Variants in PTPRZ1 observed in about 807,000 individuals in gnomAD.
PTPRZ1 encodes the protein receptor-type tyrosine-protein phosphatase zeta.
In PTPRZ1, 82 loss-of-function variants were observed where a neutral mutation model predicts 214.1. The ratio of observed to expected loss-of-function variants is 0.38; its 90% confidence interval spans 0.32 to 0.46. The LOEUF is 0.46. Ranked by LOEUF, PTPRZ1 falls within the 20% of genes least tolerant of loss-of-function variation. PTPRZ1 has a pLI of 1.00. For missense variants in PTPRZ1, 2,603 were observed against 2,748.7 expected, an observed-to-expected ratio of 0.95 and a Z score of 1.19; for synonymous variants, 945 against 987.9, an observed-to-expected ratio of 0.96 and a Z score of 0.81.
At chr7:121,972,286 C>A (rs1049870261) in intron 3 of PTPRZ1, among the ~76,000 whole-genome samples, 35 of 152,070 alleles carry the variant, frequency 2.3e-4, no homozygotes, top group Non-Finnish European at 4.4e-4. Context: ...ACAAACAGAG[C>A]AGGTGGACTG....
intron 1 of PTPRZ1, among the ~76,000 whole-genome samples, chr7:121,891,697 G>A (rs1249617323): frequency 6.6e-6 from 1 of 151,378 alleles, no homozygotes; most frequent in African/African-American, 2.4e-5. Context: ...CATCTTGTTT[G>A]ATTTTTCATA....
At chr7:121,944,728 T>C (rs1796322251) in intron 2 of PTPRZ1, among the ~76,000 whole-genome samples, 2 of 152,022 alleles carry the variant, frequency 1.3e-5, no homozygotes, top group Non-Finnish European at 2.9e-5. Context: ...CTGCAACCTC[T>C]GCCTTTCAGG....
At chr7:122,059,612 C>A in intron 28 of PTPRZ1, 141 bp from the exon 29 acceptor site, 1 of 923,654 alleles carries the variant, frequency 1.1e-6, no homozygotes. Context: ...GTTCTTTGTG[C>A]AAAAAGCGAA....
At chr7:122,058,754 G>A (rs572282510) in intron 27 of PTPRZ1, 46 bp from the exon 28 acceptor site, 1 of 1,520,304 alleles carries the variant, frequency 6.6e-7, no homozygotes, top group Admixed American at 1.8e-5. Flanking sequence ...TTCCACTCCT[G>A]GTAAACTGTC....
At chr7:121,995,884 C>T (rs1798118022) in intron 8 of PTPRZ1, among the ~76,000 whole-genome samples, 1 of 152,128 alleles carries the variant, frequency 6.6e-6, no homozygotes, top group South Asian at 2.1e-4. Context: ...ATTAAGTCAT[C>T]ATGAGCTTGC....
chr7:121,988,197 AT>A (rs1396638505), intron 8 of PTPRZ1, among the ~76,000 whole-genome samples: 1 of 152,136 alleles, frequency 6.6e-6, no homozygotes, highest in African/African-American at 2.4e-5. Context: ...ATACATAAAT[AT>A]TTTTTAAAAG....
Position 122,059,856 on chromosome 7 carries a change from A to G in PTPRZ1, c.6775A>G (p.Asn2259Asp), listed in dbSNP as rs1305891931. ...VDVYQVAKMI[N>D]LMRPGVFADI... ...TGTTTACCAGGTAGCCAAGATGATCAATCTGATGAGGCCAGGAGTCTTTGC... is the reference window on the plus strand; with the variant it reads ...TGTTTACCAGGTAGCCAAGATGATCGATCTGATGAGGCCAGGAGTCTTTGC... Residue 2259 changes from asparagine (N) to aspartate (D), a missense_variant, in exon 29 of 30, where the codon AAT (asparagine) becomes GAT (aspartate). Asn to Asp is a conservative substitution (Grantham distance 23). Around this residue, in one of 6 missense-constraint regions of PTPRZ1, gnomAD observed 165 missense variants for 151.4 expected, o/e 1.09. Coordinates refer to ENST00000393386, the MANE Select transcript of PTPRZ1 (RefSeq NM_002851.3). 2 of 1,613,638 alleles carry G rather than the reference A, an allele frequency of 1.2e-6. No individual in the cohort carries two copies. The highest frequency in any genetic ancestry group is 2.7e-5 in the African/African-American group (2 of 74,906).
intron 23 of PTPRZ1, among the ~76,000 whole-genome samples, chr7:122,050,886 C>G (rs1305373804): frequency 1.3e-5 from 2 of 152,092 alleles, no homozygotes; most frequent in Non-Finnish European, 2.9e-5. Context: ...TCTATGGAAA[C>G]CGTCACACAT....
chr7:122,041,937 A>G (rs886652863), intron 21 of PTPRZ1, among the ~76,000 whole-genome samples: 1 of 152,250 alleles, frequency 6.6e-6, no homozygotes, highest in Non-Finnish European at 1.5e-5. Flanking sequence ...GAGAAGGACC[A>G]GGCTATTGTG....
intron 1 of PTPRZ1, among the ~76,000 whole-genome samples, chr7:121,908,045 T>C (rs571346740): frequency 6.6e-6 from 1 of 152,080 alleles, no homozygotes; most frequent in African/African-American, 2.4e-5. Context: ...ATTGAACCAA[T>C]GATTTTAATT....
chr7:122,031,618 C>A (rs575579446), intron 15 of PTPRZ1, 59 bp downstream of exon 15: 2 of 1,214,142 alleles, frequency 1.6e-6, no homozygotes, highest in Admixed American at 2.0e-5. Flanking sequence ...TTAAAAGATT[C>A]AGCAATAGGC....
intron 2 of PTPRZ1, among the ~76,000 whole-genome samples, chr7:121,945,475 A>G (rs190505799): frequency 6.6e-6 from 1 of 152,258 alleles, no homozygotes. Flanking sequence ...TACATTTTCA[A>G]AGTTGTAAGT....
In PTPRZ1 at chr7:121,873,630, C is replaced by T. The variant is rs1793955086; in HGVS notation, c.58+73C>T. On this transcript the variant is annotated intron_variant, in intron 1 of 29. Coordinates refer to ENST00000393386, the MANE Select transcript of PTPRZ1 (RefSeq NM_002851.3). ...TGAGGGTGGGAGCATTTCAGCGTGT[C>T]CGCGACTTGCCGCCGCCGCCGCCAT... is the stretch of plus-strand genomic sequence containing the variant. 2.6e-6 allele frequency: 4 copies of T among 1,531,658 alleles called. No individual in the cohort carries two copies. The Admixed American group carries it at 5.1e-5, about 19-fold the overall frequency. 94.9% of individuals were successfully genotyped at this position (1,531,658 alleles called of 1,614,324 possible).
intron 19 of PTPRZ1, among the ~76,000 whole-genome samples, chr7:122,039,229 G>A (rs1484352207): frequency 6.6e-6 from 1 of 152,112 alleles, no homozygotes; most frequent in Non-Finnish European, 1.5e-5. Context: ...TGCCTTATCT[G>A]AAAGGGGAAA....
chr7:121,931,025 G>T (rs751631659), intron 2 of PTPRZ1, among the ~76,000 whole-genome samples: 6 of 152,068 alleles, frequency 3.9e-5, no homozygotes, highest in Non-Finnish European at 7.4e-5. Context: ...CTTTTTAAAT[G>T]ATTCATTTAA....
At chr7:122,033,160 C>T (rs1157328397) in intron 15 of PTPRZ1, among the ~76,000 whole-genome samples, 1 of 151,932 alleles carries the variant, frequency 6.6e-6, no homozygotes, top group Non-Finnish European at 1.5e-5. Context: ...TCTTTTAACT[C>T]ACTGCCTGAT....
chr7:121,935,556 GTTTGTTT>G (rs1796061151), intron 2 of PTPRZ1, among the ~76,000 whole-genome samples: 1 of 149,422 alleles, frequency 6.7e-6, no homozygotes, highest in Non-Finnish European at 1.5e-5. Context: ...TTGTTTGTTT[GTTTGTTT>G]GTTTGTTTGT....
chr7:122,049,206 G>A (rs1265093060), intron 23 of PTPRZ1, among the ~76,000 whole-genome samples: 1 of 151,970 alleles, frequency 6.6e-6, no homozygotes, highest in East Asian at 1.9e-4. Flanking sequence ...CTTCTAGAAA[G>A]TATCTGTCAT....
At chr7:121,980,680 C>T (rs1283666883) in intron 6 of PTPRZ1, among the ~76,000 whole-genome samples, 1 of 152,212 alleles carries the variant, frequency 6.6e-6, no homozygotes, top group Admixed American at 6.5e-5. Flanking sequence ...CTTTTCCCTT[C>T]AGAAGTTTCT....
Sources: allele counts gnomAD v4.1 joint callset (sites outside exome capture counted in the v4.1 genomes callset), GRCh38; gene constraint gnomAD v4.1.1; regional missense constraint gnomAD v4.1.1; transcripts MANE v1.5; gene names NCBI Gene and HGNC (gene_info 2026-07-23, HGNC 2026-07-21).